The following DTNA variants were observed in gnomAD, a reference collection of about 807,000 sequenced individuals.
DTNA encodes dystrophin-related protein 3.
DTNA carries 43 observed loss-of-function variants against 100.7 expected under a neutral mutation model. The ratio of observed to expected loss-of-function variants is 0.43; its 90% CI spans 0.33 to 0.55. DTNA has a LOEUF of 0.55. Ranked by LOEUF, DTNA falls within the 20% of genes least tolerant of loss-of-function variation. The pLI is 0.04. For missense variants in DTNA, 798 were observed against 953.9 expected (o/e 0.84, Z 2.15); for synonymous variants, 349 against 347.9 (o/e 1.00, Z -0.04).
intron 17 of DTNA, among the ~76,000 whole-genome samples, chr18:34,871,738 A>G (rs1406573226): frequency 1.3e-5 from 2 of 152,250 alleles, no homozygotes; most frequent in Non-Finnish European, 2.9e-5. Context: ...AAGGAAGGCC[A>G]GAGATGGCAT....
chr18:34,805,814 G>A (rs998700876), intron 4 of DTNA, among the ~76,000 whole-genome samples: 13 of 151,668 alleles, frequency 8.6e-5, no homozygotes, highest in Non-Finnish European at 1.6e-4. Flanking sequence ...TGTTTCTGAA[G>A]CTCTGTTTAA....
At chr18:34,712,843 C>T (rs1383285) in intron 1 of DTNA, among the ~76,000 whole-genome samples, 12,456 of 151,984 alleles carry the variant, frequency 0.082, 631 homozygotes, top group African/African-American at 0.12. Flanking sequence ...ACTAAGGAGA[C>T]AGATATTTAA....
chr18:34,888,172 A>G lies in DTNA; in HGVS notation c.*438A>G, dbSNP rs925546506. 7.8e-5 allele frequency: 77 copies of G among 985,896 alleles called. No homozygotes were observed. The African/African-American group carries it at 1.2e-3, about 16-fold the overall frequency. 61.1% of individuals were successfully genotyped at this position (985,896 alleles called of 1,614,324 possible). A position where few individuals can be genotyped will look rare whatever the true frequency, so the allele number is the denominator to read the frequency against. ...TTTGCACATGATATTGAACCTGTTC[A>G]GTTTACAATGACAATATTAATACTG... is the stretch of plus-strand genomic sequence containing the variant. On this transcript the variant is annotated 3_prime_UTR_variant, in exon 23 of 23. Coordinates refer to ENST00000444659, the MANE Select transcript of DTNA (RefSeq NM_001386795.1).
At chr18:34,577,793 T>A (rs971712156) in intron 1 of DTNA, among the ~76,000 whole-genome samples, 6 of 150,852 alleles carry the variant, frequency 4.0e-5, no homozygotes, top group African/African-American at 1.2e-4. Context: ...TGAGTAGTAT[T>A]CCATTGTGTG....
chr18:34,660,274 C>A (rs1436049134), intron 1 of DTNA, among the ~76,000 whole-genome samples: 1 of 151,986 alleles, frequency 6.6e-6, no homozygotes, highest in Non-Finnish European at 1.5e-5. Context: ...AAAACTAGTT[C>A]AGGCCGTGAG....
At chr18:34,521,250 G>A (rs555087761) in intron 1 of DTNA, among the ~76,000 whole-genome samples, 2 of 152,138 alleles carry the variant, frequency 1.3e-5, no homozygotes, top group South Asian at 4.1e-4. Context: ...TTCATAACCA[G>A]TCCATCAGTA....
At chr18:34,734,258 C>T (rs2089022928) in intron 1 of DTNA, among the ~76,000 whole-genome samples, 1 of 152,118 alleles carries the variant, frequency 6.6e-6, no homozygotes, top group South Asian at 2.1e-4. Context: ...GGGTTTATCT[C>T]TTCAGACAAA....
chr18:34,863,096 ATTACT>A (rs2096650527), intron 16 of DTNA, among the ~76,000 whole-genome samples: 1 of 152,220 alleles, frequency 6.6e-6, no homozygotes, highest in Non-Finnish European at 1.5e-5. Context: ...AATTATATGT[ATTACT>A]TATTCAGTAA....
At chr18:34,570,900 A>G (rs187850861) in intron 1 of DTNA, among the ~76,000 whole-genome samples, 149 of 152,322 alleles carry the variant, frequency 9.8e-4, no homozygotes, top group African/African-American at 3.3e-3. Context: ...GGATACCTAA[A>G]GAGGAGAAAG....
chr18:34,655,220 A>T (rs965147661), intron 1 of DTNA, among the ~76,000 whole-genome samples: 8 of 152,114 alleles, frequency 5.3e-5, no homozygotes, highest in African/African-American at 1.9e-4. Flanking sequence ...CTGCCTACCT[A>T]CTCAAGCCCT....
intron 1 of DTNA, among the ~76,000 whole-genome samples, chr18:34,578,644 C>A (rs577341660): frequency 2.6e-5 from 4 of 152,178 alleles, no homozygotes; most frequent in African/African-American, 9.6e-5. Context: ...GATTTTTATA[C>A]GTGGTGAGAG....
At chr18:34,746,002 T>G (rs2091510467) in intron 1 of DTNA, among the ~76,000 whole-genome samples, 2 of 152,188 alleles carry the variant, frequency 1.3e-5, no homozygotes, top group Non-Finnish European at 2.9e-5. Context: ...CAAGTTTAGC[T>G]CAGTCACTTG....
At chr18:34,820,229 T>C (rs1166993172) in intron 8 of DTNA, among the ~76,000 whole-genome samples, 1 of 152,086 alleles carries the variant, frequency 6.6e-6, no homozygotes, top group Non-Finnish European at 1.5e-5. Context: ...TTCTTGCACC[T>C]GGATTCCCGC....
intron 1 of DTNA, among the ~76,000 whole-genome samples, chr18:34,572,476 A>G (rs907464611): frequency 3.3e-5 from 5 of 152,140 alleles, no homozygotes; most frequent in Admixed American, 1.3e-4. Context: ...GGCCAATATT[A>G]TTATCATCTT....
intron 3 of DTNA, among the ~76,000 whole-genome samples, chr18:34,781,913 T>A (rs2094339362): frequency 1.3e-5 from 2 of 152,142 alleles, no homozygotes. Flanking sequence ...GAGTTCAAAT[T>A]TCTAAAGGAC....
chr18:34,624,906 G>A (rs9967407), intron 1 of DTNA, among the ~76,000 whole-genome samples: 4,023 of 152,120 alleles, frequency 0.026, 184 homozygotes, highest in African/African-American at 0.092. Flanking sequence ...CTCTTTCACC[G>A]AGGCTTGAGT....
intron 6 of DTNA, among the ~76,000 whole-genome samples, chr18:34,813,287 G>A (rs1385090975): frequency 1.3e-5 from 2 of 151,330 alleles, no homozygotes; most frequent in Non-Finnish European, 2.9e-5. Context: ...AGCAACATAG[G>A]GAAACCCCAT....
At chr18:34,833,464 C>G (rs1347157268) in intron 11 of DTNA, among the ~76,000 whole-genome samples, 1 of 151,488 alleles carries the variant, frequency 6.6e-6, no homozygotes, top group Non-Finnish European at 1.5e-5. Flanking sequence ...TTATTTATCT[C>G]TAGATATGCT....
intron 1 of DTNA, among the ~76,000 whole-genome samples, chr18:34,693,999 G>A (rs1430024008): frequency 6.6e-6 from 1 of 152,012 alleles, no homozygotes; most frequent in Non-Finnish European, 1.5e-5. Flanking sequence ...GTCTACTACT[G>A]TTATATGAAT....
Sources: allele counts gnomAD v4.1 joint callset (sites outside exome capture counted in the v4.1 genomes callset), GRCh38; gene constraint gnomAD v4.1.1; transcripts MANE v1.5; gene names NCBI Gene and HGNC (gene_info 2026-07-23, HGNC 2026-07-21).